Variants in NCOA7 observed in about 807,000 individuals in gnomAD.
NCOA7 encodes 140 kDa estrogen receptor-associated protein.
Under a neutral mutation model 104.3 loss-of-function variants are expected in NCOA7, and 45 were observed. The observed-to-expected ratio is 0.43, with a 90% CI of 0.34 to 0.55. The LOEUF is 0.55. NCOA7 is among the 20% of genes least tolerant of loss of function. The pLI is 0.02. For synonymous variants in NCOA7, 398 were observed against 402.3 expected, an observed-to-expected ratio of 0.99 and a Z score of 0.13; for missense variants, 1,041 against 1,119.7, an observed-to-expected ratio of 0.93 and a Z score of 1.00.
At chr6:125,831,672 T>C (rs1280844412) in intron 2 of NCOA7, among the ~76,000 whole-genome samples, 3 of 152,152 alleles carry the variant, frequency 2.0e-5, no homozygotes, top group Non-Finnish European at 4.4e-5. Flanking sequence ...AAGCTAAAAA[T>C]AGGATTGGAC....
At chr6:125,924,750 T>G (rs2128700763) in intron 13 of NCOA7, among the ~76,000 whole-genome samples, 1 of 152,256 alleles carries the variant, frequency 6.6e-6, no homozygotes, top group Admixed American at 6.5e-5. Flanking sequence ...GAGGCACAAC[T>G]CTCTCCCTTC....
intron 11 of NCOA7, chr6:125,919,254 C>T (rs1241664472): frequency 6.2e-7 from 1 of 1,606,768 alleles, no homozygotes; most frequent in African/African-American, 1.3e-5. Flanking sequence ...ACTGAGAAAA[C>T]AGTTGTAGCT....
chr6:125,868,027 G>A (rs140671530), intron 3 of NCOA7, among the ~76,000 whole-genome samples: 33 of 152,224 alleles, frequency 2.2e-4, no homozygotes, highest in African/African-American at 6.3e-4. Flanking sequence ...ACTCTTTAGC[G>A]TTGCATTGCT....
chr6:125,828,416 T>C (rs943908279), intron 2 of NCOA7, among the ~76,000 whole-genome samples: 2 of 152,124 alleles, frequency 1.3e-5, no homozygotes, highest in Non-Finnish European at 2.9e-5. Flanking sequence ...AGAAGCCAGT[T>C]TGATGTGAAT....
At chr6:125,840,774 G>C (rs949647395) in intron 2 of NCOA7, among the ~76,000 whole-genome samples, 1 of 150,684 alleles carries the variant, frequency 6.6e-6, no homozygotes, top group Non-Finnish European at 1.5e-5. Flanking sequence ...GCCTCCCAAA[G>C]TGCTGGGATT....
chr6:125,858,466 T>A (rs1056371395), intron 3 of NCOA7, among the ~76,000 whole-genome samples: 12 of 151,686 alleles, frequency 7.9e-5, no homozygotes, highest in Non-Finnish European at 1.5e-4. Flanking sequence ...ATGTACAAGA[T>A]CCTGCCTCTA....
intron 1 of NCOA7, among the ~76,000 whole-genome samples, chr6:125,806,771 T>A (rs1583257195): frequency 6.6e-6 from 1 of 152,360 alleles, no homozygotes; most frequent in East Asian, 1.9e-4. Context: ...TGTCTTCTAA[T>A]GAACTTATGT....
At chr6:125,858,006 C>T (rs1185647010) in intron 3 of NCOA7, among the ~76,000 whole-genome samples, 1 of 151,902 alleles carries the variant, frequency 6.6e-6, no homozygotes, top group African/African-American at 2.4e-5. Flanking sequence ...TCACTCTTTA[C>T]CTGACTGGCT....
chr6:125,908,989 C>T (rs1426714030), intron 10 of NCOA7, among the ~76,000 whole-genome samples: 1 of 151,526 alleles, frequency 6.6e-6, no homozygotes, highest in East Asian at 1.9e-4. Flanking sequence ...ATGAACTCAG[C>T]ATTCTCAGAA....
chr6:125,882,464 A>C lies in NCOA7; in HGVS notation c.612A>C (p.Glu204Asp), dbSNP rs1425834219. The change falls in exon 7 of 16, where the codon GAA (glutamate) becomes GAC (aspartate). Residue 204 changes from glutamate to aspartate, a missense_variant. Transcript: ENST00000392477. ...CACGAAAGGCCTTGAAACCCATTGA[A>C]AGAGTCTTATCGTCTACTTCTGAAG... ...DLARKALKPI[E>D]RVLSSTSEED... is the part of the protein sequence containing the mutation. 2 of 1,613,654 alleles carry C rather than the reference A, an allele frequency of 1.2e-6. No individual in the cohort carries two copies. Among genetic ancestry groups the C allele is most frequent in the African/African-American group, 2.7e-5 (2 of 74,918 alleles).
At position 125,928,742 on chromosome 6, in the gene NCOA7, C is replaced by T; in HGVS notation, c.2800C>T (p.Gln934Ter). ...TTCCAAAAAGGAAGACTTCATAGTT[C>T]AGGATCTGGAGGTGTGGGCATTTGA... is the stretch of plus-strand genomic sequence containing the variant. ...ILSKKEDFIV[Q>*]DLEVWAFD Residue 934 changes from glutamine (Q) to a stop codon, truncating the protein, a stop_gained, in exon 16 of 16, where the codon CAG becomes TAG. Transcript: ENST00000392477. LOFTEE classifies it high-confidence loss of function. 2 of 1,613,146 alleles carry T rather than the reference C, an allele frequency of 1.2e-6. No homozygotes were observed. Among genetic ancestry groups the T allele is most frequent in the Non-Finnish European group, 1.7e-6 (2 of 1,179,728 alleles).
chr6:125,885,201 A>G lies in NCOA7; in HGVS notation c.742A>G (p.Met248Val). 1 of 1,614,008 alleles carries G rather than the reference A, an allele frequency of 6.2e-7. No individual in the cohort carries two copies. Among genetic ancestry groups the G allele is most frequent in the Non-Finnish European group, 8.5e-7 (1 of 1,179,928 alleles). Residue 248 changes from methionine (M) to valine (V), a missense_variant, in exon 8 of 16, where the codon ATG becomes GTG. Physicochemically the swap from Met to Val is conservative, Grantham distance 21. Transcript: ENST00000392477. ...TATGATAGTGACTCCTAACAACATC[A>G]TGTTTGACCCTCATAAATCTGATCC... ...GVMIVTPNNI[M>V]FDPHKSDPLV...
At chr6:125,796,154 C>A (rs1775307644) in intron 1 of NCOA7, among the ~76,000 whole-genome samples, 1 of 151,972 alleles carries the variant, frequency 6.6e-6, no homozygotes, top group Non-Finnish European at 1.5e-5. Context: ...CCCAAGTAGG[C>A]TTCCATACTA....
Position 125,808,017 on chromosome 6 carries a change from C to T in NCOA7, c.-64-7274C>T, listed in dbSNP as rs1331237301. 2.6e-5 allele frequency among the ~76,000 whole-genome samples: 4 copies of T among 152,210 alleles called. No individual in the cohort carries two copies. In the South Asian group the frequency reaches 6.2e-4, roughly 24 times the overall value. ...TAAGTGCAGTTACATGTGTTTTCCT[C>T]ATTTTCCTGATCCACTAGAATAGCA... On this transcript the variant is annotated intron_variant, in intron 1 of 15. Coordinates refer to ENST00000392477, the MANE Select transcript of NCOA7 (RefSeq NM_181782.5).
At chr6:125,876,029 A>C (rs992571426) in intron 4 of NCOA7, among the ~76,000 whole-genome samples, 2 of 152,208 alleles carry the variant, frequency 1.3e-5, no homozygotes, top group African/African-American at 4.8e-5. Flanking sequence ...ATTCACTATT[A>C]AGTAGCACTC....
upstream of NCOA7, among the ~76,000 whole-genome samples, chr6:125,787,927 T>C (rs544463056): frequency 6.6e-6 from 1 of 152,350 alleles, no homozygotes. Context: ...TTACCATTCT[T>C]TATGGATAAA....
At chr6:125,916,350 G>A (rs964415544) in intron 11 of NCOA7, among the ~76,000 whole-genome samples, 8 of 152,182 alleles carry the variant, frequency 5.3e-5, no homozygotes, top group Non-Finnish European at 1.0e-4. Context: ...GTTTCAGGTA[G>A]CATCTTTATA....
upstream of NCOA7, among the ~76,000 whole-genome samples, chr6:125,787,253 C>CA (rs1774515699): frequency 6.6e-6 from 1 of 152,082 alleles, no homozygotes; most frequent in African/African-American, 2.4e-5. Flanking sequence ...TTTCATGAGA[C>CA]ATTACTAGTG....
intron 1 of NCOA7, among the ~76,000 whole-genome samples, chr6:125,785,946 TA>T (rs1774445030): frequency 6.6e-6 from 1 of 152,206 alleles, no homozygotes; most frequent in Non-Finnish European, 1.5e-5. Flanking sequence ...AGGTGATTTC[TA>T]ACTCCTCTTC....
Sources: gnomAD v4.1 joint callset for allele counts (sites outside exome capture counted in the v4.1 genomes callset) on GRCh38, gnomAD v4.1.1 for gene constraint, MANE v1.5 for transcripts, NCBI Gene and HGNC (gene_info 2026-07-23, HGNC 2026-07-21) for gene names.